RNGTT: variants seen among roughly 807,000 people sequenced by gnomAD.
RNGTT encodes RNA guanylyltransferase and 5'-phosphatase.
In RNGTT, 33 loss-of-function variants were observed where a neutral mutation model predicts 79.3. The ratio of observed to expected loss-of-function variants is 0.42; its 90% confidence interval spans 0.32 to 0.56. The LOEUF (loss-of-function observed/expected upper bound fraction) is 0.56. Ranked by LOEUF, RNGTT falls within the 20% of genes least tolerant of loss-of-function variation. RNGTT has a pLI of 0.17. For missense variants in RNGTT, 497 were observed against 739.1 expected, an observed-to-expected ratio of 0.67 and a Z score of 3.80; for synonymous variants, 222 against 235.9, an observed-to-expected ratio of 0.94 and a Z score of 0.54.
chr6:88,622,547 T>C (rs150806914), intron 14 of RNGTT, among the ~76,000 whole-genome samples: 1 of 152,254 alleles, frequency 6.6e-6, no homozygotes, highest in African/African-American at 2.4e-5. Context: ...TTTAAAAACA[T>C]TTCTCTTTTC....
At chr6:88,832,946 G>A (rs964444325) in intron 11 of RNGTT, among the ~76,000 whole-genome samples, 1 of 152,188 alleles carries the variant, frequency 6.6e-6, no homozygotes, top group Non-Finnish European at 1.5e-5. Flanking sequence ...AGAGGATATG[G>A]AGAAATAGGA....
At chr6:88,832,867 A>C (rs1182310912) in intron 11 of RNGTT, among the ~76,000 whole-genome samples, 2 of 152,210 alleles carry the variant, frequency 1.3e-5, no homozygotes, top group Non-Finnish European at 2.9e-5. Context: ...AATCAAAACC[A>C]CAATGAGATA....
intron 13 of RNGTT, among the ~76,000 whole-genome samples, chr6:88,740,422 G>C (rs906413806): frequency 6.6e-6 from 1 of 152,030 alleles, no homozygotes; most frequent in Non-Finnish European, 1.5e-5. Flanking sequence ...AGAGGCTGAG[G>C]TAAAGAGGAT....
rs557894458 is a variant in RNGTT, at chr6:88,837,369, C to G, written c.1269+6988G>C. On this transcript the variant is annotated intron_variant, in intron 11 of 15. Coordinates refer to ENST00000369485, the MANE Select transcript of RNGTT (RefSeq NM_003800.5). The stretch of plus-strand genomic sequence containing the variant: ...CTATAATTGTGTCACTGCACTCCAG[C>G]CTGGGTACCAGAGCAAGGCCCTGTC... 5.3e-5 allele frequency among the ~76,000 whole-genome samples: 8 copies of G among 152,170 alleles called. No individual in the cohort carries two copies. The South Asian group carries it at 1.5e-3, about 28-fold the overall frequency.
chr6:88,896,526 A>C (rs1456751263), intron 6 of RNGTT, among the ~76,000 whole-genome samples: 1 of 152,202 alleles, frequency 6.6e-6, no homozygotes, highest in Non-Finnish European at 1.5e-5. Context: ...AGACAATGAG[A>C]AGACTGATAC....
intron 13 of RNGTT, among the ~76,000 whole-genome samples, chr6:88,713,735 A>AT (rs963662584): frequency 1.9e-4 from 29 of 152,186 alleles, no homozygotes; most frequent in Non-Finnish European, 7.4e-5. Flanking sequence ...ACAAGAAAAT[A>AT]TTTTTTTAAA....
intron 13 of RNGTT, among the ~76,000 whole-genome samples, chr6:88,730,381 T>C (rs761099352): frequency 2.6e-5 from 4 of 152,236 alleles, no homozygotes; most frequent in East Asian, 1.9e-4. Context: ...CCCTAGCCAA[T>C]AGGTGAATGA....
At chr6:88,680,328 G>A (rs1283333647) in intron 13 of RNGTT, among the ~76,000 whole-genome samples, 3 of 152,140 alleles carry the variant, frequency 2.0e-5, no homozygotes, top group Admixed American at 2.0e-4. Context: ...GTAGTTGTGT[G>A]ATTACCCTTC....
At chr6:88,654,690 C>T (rs1216427772) in intron 14 of RNGTT, among the ~76,000 whole-genome samples, 1 of 152,160 alleles carries the variant, frequency 6.6e-6, no homozygotes, top group Non-Finnish European at 1.5e-5. Context: ...AGCCTCCTCC[C>T]TATCATCTGT....
intron 8 of RNGTT, among the ~76,000 whole-genome samples, chr6:88,879,890 G>A (rs1782640501): frequency 6.6e-6 from 1 of 152,030 alleles, no homozygotes; most frequent in Admixed American, 6.6e-5. Flanking sequence ...CTGCTAATTT[G>A]TAAATAAAAT....
At chr6:88,904,988 C>A in intron 5 of RNGTT, 33 bp from the exon 6 acceptor site, 1 of 1,605,136 alleles carries the variant, frequency 6.2e-7, no homozygotes. Context: ...AATTTCCTCG[C>A]TATCCTCTAT....
intron 13 of RNGTT, among the ~76,000 whole-genome samples, chr6:88,729,105 C>T (rs1015799501): frequency 3.3e-5 from 5 of 152,148 alleles, no homozygotes; most frequent in Admixed American, 1.3e-4. Context: ...CGACACCCTG[C>T]GGGTCAGCCC....
At position 88,824,667 on chromosome 6, in the gene RNGTT, A is replaced by G. The variant is rs184934194; in HGVS notation, c.1269+19690T>C. Among the ~76,000 whole-genome samples, 8 of 152,308 alleles carry G rather than the reference A, an allele frequency of 5.3e-5. No individual in the cohort carries two copies. The East Asian group carries it at 1.5e-3, about 29-fold the overall frequency. On this transcript the variant is annotated intron_variant, in intron 11 of 15. Coordinates refer to ENST00000369485, the MANE Select transcript of RNGTT (RefSeq NM_003800.5). ...CATCTTATAGAAAGTTCCGTTGGAC[A>G]GGTCTGCTTTGAAAGAAAACACATA... is the stretch of plus-strand genomic sequence containing the variant.
At chr6:88,686,429 C>G (rs565060658) in intron 13 of RNGTT, among the ~76,000 whole-genome samples, 3 of 151,656 alleles carry the variant, frequency 2.0e-5, no homozygotes, top group Non-Finnish European at 4.4e-5. Flanking sequence ...TAAGCTCATT[C>G]GAAAATATAT....
chr6:88,722,892 C>T (rs1001906338), intron 13 of RNGTT, among the ~76,000 whole-genome samples: 4 of 152,100 alleles, frequency 2.6e-5, no homozygotes, highest in African/African-American at 9.7e-5. Context: ...TTTGTGGTAA[C>T]GCTGGTATAA....
At chr6:88,825,288 G>T (rs968029800) in intron 11 of RNGTT, among the ~76,000 whole-genome samples, 1 of 152,232 alleles carries the variant, frequency 6.6e-6, no homozygotes, top group South Asian at 2.1e-4. Context: ...CTGAAGAGGA[G>T]GGGGTTACAC....
intron 14 of RNGTT, among the ~76,000 whole-genome samples, chr6:88,623,994 AAC>A (rs1041155983): frequency 2.1e-4 from 32 of 152,154 alleles, no homozygotes; most frequent in African/African-American, 7.7e-4. Context: ...AATTTATAGT[AAC>A]ACAACTAAAA....
chr6:88,961,515 C>G (rs1785623122), intron 1 of RNGTT, among the ~76,000 whole-genome samples: 1 of 152,086 alleles, frequency 6.6e-6, no homozygotes, highest in Non-Finnish European at 1.5e-5. Flanking sequence ...CAGCTCACTG[C>G]AACCTCCGTC....
At chr6:88,715,259 G>A (rs541953374) in intron 13 of RNGTT, among the ~76,000 whole-genome samples, 17 of 152,188 alleles carry the variant, frequency 1.1e-4, no homozygotes, top group Admixed American at 7.8e-4. Context: ...AACTTACAAG[G>A]GATGTGAAGG....
Sources: gnomAD v4.1 joint callset for allele counts (sites outside exome capture counted in the v4.1 genomes callset) on GRCh38, gnomAD v4.1.1 for gene constraint, MANE v1.5 for transcripts, NCBI Gene and HGNC (gene_info 2026-07-23, HGNC 2026-07-21) for gene names.